The following PTGR2 variants were observed in gnomAD, a reference collection of about 807,000 sequenced individuals.
PTGR2 encodes the protein prostaglandin reductase 2.
PTGR2 carries 32 observed loss-of-function variants against 43.4 expected under a neutral mutation model. The ratio of observed to expected loss-of-function variants is 0.74; its 90% CI spans 0.56 to 0.99. The LOEUF (loss-of-function observed/expected upper bound fraction) is 0.99, where lower values mean the gene tolerates loss of function less well. Ranked by LOEUF, PTGR2 falls within the 50% of genes least tolerant of loss-of-function variation. The pLI is 0.00. For synonymous variants in PTGR2, 106 were observed against 139.2 expected, an observed-to-expected ratio of 0.76 and a Z score of 1.68; for missense variants, 373 against 420.0, an observed-to-expected ratio of 0.89 and a Z score of 0.98.
chr14:73,874,709 T>TG, intron 4 of PTGR2: 1 of 409,944 alleles, frequency 2.4e-6, no homozygotes, highest in South Asian at 1.7e-5. Context: ...GCTAAAGGAA[T>TG]GGGGCTTGAG....
intron 9 of PTGR2, 77 bp from the exon 10 acceptor site, chr14:73,884,024 T>G: frequency 1.2e-6 from 1 of 839,186 alleles, no homozygotes; most frequent in Non-Finnish European, 1.9e-6. Flanking sequence ...TAACATAATT[T>G]TATATGTTGT....
rs959063789 is a variant in PTGR2 at position 73,884,224 on chromosome 14, G to A, written c.*47G>A. The A allele has an allele frequency of 8.1e-7, 1 of 1,228,556 alleles. No individual in the cohort carries two copies. The highest frequency in any genetic ancestry group is 2.3e-5 in the East Asian group (1 of 42,656). The allele number at this position is 1,228,556 out of a possible 1,614,324, so 76.1% of individuals were successfully genotyped here. On this transcript the variant is annotated 3_prime_UTR_variant, in exon 10 of 10. Transcript: ENST00000555661. ...CAATCATAGATTTCTTTTCCATTTT[G>A]CATATTTTCAAAGATATGTTAAAAA...
At chr14:73,861,538 C>T (rs2054490050) in intron 3 of PTGR2, 1 of 152,124 alleles carries the variant, frequency 6.6e-6, no homozygotes, top group East Asian at 1.9e-4. Flanking sequence ...GAGTTCAAGA[C>T]CAGCCTGGAC....
intron 3 of PTGR2, among the ~76,000 whole-genome samples, chr14:73,870,058 A>G (rs1385684678): frequency 1.3e-5 from 2 of 151,990 alleles, no homozygotes; most frequent in East Asian, 1.9e-4. Flanking sequence ...TCAGCTGGGC[A>G]TGGTGGCTTG....
intron 1 of PTGR2, among the ~76,000 whole-genome samples, chr14:73,856,348 C>T (rs932394995): frequency 1.3e-5 from 2 of 151,980 alleles, no homozygotes; most frequent in South Asian, 4.2e-4. Flanking sequence ...AGGGTTCAAG[C>T]GATTCTCCTG....
intron 3 of PTGR2, among the ~76,000 whole-genome samples, chr14:73,867,197 C>G (rs1310198920): frequency 6.6e-6 from 1 of 151,824 alleles, no homozygotes; most frequent in Non-Finnish European, 1.5e-5. Context: ...CCTCAGAGTT[C>G]CTGGTTCTCA....
rs1354722450 is a variant in PTGR2 at position 73,884,225 on chromosome 14, C to T, written c.*48C>T. 2.5e-6 allele frequency: 3 copies of T among 1,216,224 alleles called. No individual in the cohort carries two copies. In the East Asian group the frequency reaches 7.0e-5, roughly 28 times the overall value. 75.3% of individuals were successfully genotyped at this position (1,216,224 alleles called of 1,614,324 possible). A position where few individuals can be genotyped will look rare whatever the true frequency, so the allele number is the denominator to read the frequency against. The stretch of plus-strand genomic sequence containing the variant: ...AATCATAGATTTCTTTTCCATTTTG[C>T]ATATTTTCAAAGATATGTTAAAAAA... On this transcript the variant is annotated 3_prime_UTR_variant, in exon 10 of 10. Coordinates refer to ENST00000555661, the MANE Select transcript of PTGR2 (RefSeq NM_001146154.2).
intron 1 of PTGR2, among the ~76,000 whole-genome samples, chr14:73,857,050 T>TC (rs1346632453): frequency 6.6e-6 from 1 of 151,828 alleles, no homozygotes; most frequent in Admixed American, 6.6e-5. Flanking sequence ...GATGGGAGGA[T>TC]CACTTGAGCC....
chr14:73,867,123 AAAG>A lies in PTGR2; in HGVS notation c.156+6479_156+6481del, dbSNP rs373156555. ...AAAAAAAAAAACAAAAAAACAAAAA[AAAG>A]AAGAAGAAGAAGGTTGAACTAACTC... On this transcript the variant is annotated intron_variant, in intron 3 of 9. Coordinates refer to ENST00000555661, the MANE Select transcript of PTGR2 (RefSeq NM_001146154.2). Among the ~76,000 whole-genome samples, 1,191 of 151,430 alleles carry A rather than the reference AAAG, an allele frequency of 7.9e-3. 17 individuals carry two copies. The highest frequency in any genetic ancestry group is 0.028 in the African/African-American group (1,152 of 41,182).
In PTGR2 at chr14:73,862,472, G is replaced by A. The variant is rs573536231; in HGVS notation, c.156+1815G>A. Among the ~76,000 whole-genome samples the A allele has an allele frequency of 5.9e-5, 9 of 152,288 alleles. No homozygotes were observed. In the East Asian group the frequency reaches 1.7e-3, roughly 29 times the overall value. The stretch of plus-strand genomic sequence containing the variant: ...TCCACCCGCCTCGGCCTCCCAAAGT[G>A]CTGGGATTACAGGCGTGAGCCACTG... On this transcript the variant is annotated intron_variant, in intron 3 of 9. Coordinates refer to ENST00000555661, the MANE Select transcript of PTGR2 (RefSeq NM_001146154.2).
At chr14:73,878,456 T>C (rs949014884) in intron 5 of PTGR2, 2 of 153,342 alleles carry the variant, frequency 1.3e-5, no homozygotes, top group African/African-American at 4.8e-5. Context: ...TTATGATGGT[T>C]CTACTTTACA....
intron 5 of PTGR2, 22 bp downstream of exon 5, chr14:73,877,190 T>TGAC (rs2054885318): frequency 1.9e-6 from 3 of 1,584,562 alleles, no homozygotes; most frequent in East Asian, 2.2e-5. Flanking sequence ...GAGAATTATT[T>TGAC]GATTTTCTGA....
rs140429208 is a variant in PTGR2 at position 73,877,139 on chromosome 14, G to A, written c.490G>A (p.Ala164Thr). Residue 164 changes from alanine to threonine, a missense_variant, in exon 5 of 10, where the codon GCA (alanine) becomes ACA (threonine). Physicochemically the swap from Ala to Thr is moderately conservative, Grantham distance 58. Coordinates refer to ENST00000555661, the MANE Select transcript of PTGR2 (RefSeq NM_001146154.2). Reference protein sequence around the residue: ...SNKTMVVSGAAGACGSVAGQI... With the variant: ...SNKTMVVSGATGACGSVAGQI... ...TAAGACAATGGTTGTCAGTGGGGCCGCAGGTGCCTGTGGATCTGTGGCTGG... is the reference window on the plus strand; with the variant it reads ...TAAGACAATGGTTGTCAGTGGGGCCACAGGTGCCTGTGGATCTGTGGCTGG... 66 of 1,613,530 alleles carry A rather than the reference G, an allele frequency of 4.1e-5. No individual in the cohort carries two copies. The highest frequency in any genetic ancestry group is 1.5e-4 in the African/African-American group (11 of 75,010).
At chr14:73,872,910 G>C (rs1386116328) in intron 3 of PTGR2, among the ~76,000 whole-genome samples, 1 of 151,830 alleles carries the variant, frequency 6.6e-6, no homozygotes, top group African/African-American at 2.4e-5. Flanking sequence ...CCAGGAAGTG[G>C]AGGTTGCACT....
intron 4 of PTGR2, among the ~76,000 whole-genome samples, chr14:73,876,677 A>G (rs1235402470): frequency 6.6e-6 from 1 of 151,784 alleles, no homozygotes; most frequent in East Asian, 1.9e-4. Flanking sequence ...GGGTTTCGCC[A>G]TGTTGGCTAG....
At chr14:73,873,921 G>A (rs577204162) in intron 3 of PTGR2, 102 bp from the exon 4 acceptor site, 7 of 782,840 alleles carry the variant, frequency 8.9e-6, no homozygotes, top group South Asian at 4.4e-5. Context: ...TTTATGTATT[G>A]TGTGCAATAT....
At chr14:73,863,241 A>C (rs938518644) in intron 3 of PTGR2, among the ~76,000 whole-genome samples, 1 of 152,040 alleles carries the variant, frequency 6.6e-6, no homozygotes, top group African/African-American at 2.4e-5. Flanking sequence ...CCAGTAATCT[A>C]CTTTTTGTTC....
Position 73,858,896 on chromosome 14 carries a change from C to A in PTGR2, c.34C>A (p.Pro12Thr). The A allele has an allele frequency of 6.2e-7, 1 of 1,610,498 alleles. No homozygotes were observed. The highest frequency in any genetic ancestry group is 8.5e-7 in the Non-Finnish European group (1 of 1,177,664). The change falls in exon 2 of 10, where the codon CCT (proline) becomes ACT (threonine). Residue 12 changes from proline to threonine, a missense_variant. Transcript: ENST00000555661. ...TCAAAGAGTGGTATTGAATTCTCGA[C>A]CTGGTATGTATTTGCGATGAATGAA... is the stretch of plus-strand genomic sequence containing the variant. ...IVQRVVLNSRPGKNGNPVAEN... is the reference protein window; with the variant it reads ...IVQRVVLNSRTGKNGNPVAEN...
chr14:73,868,235 G>A (rs774815883), intron 3 of PTGR2, among the ~76,000 whole-genome samples: 26 of 151,994 alleles, frequency 1.7e-4, no homozygotes, highest in Non-Finnish European at 2.5e-4. Flanking sequence ...GTTGCAGTGA[G>A]CCGAGATCAC....
Sources: allele counts gnomAD v4.1 joint callset (sites outside exome capture counted in the v4.1 genomes callset), GRCh38; gene constraint gnomAD v4.1.1; transcripts MANE v1.5; gene names NCBI Gene and HGNC (gene_info 2026-07-23, HGNC 2026-07-21).